Variants in NAA50 observed in about 807,000 individuals in gnomAD.
The protein encoded by NAA50 is N-alpha-acetyltransferase 50.
A neutral mutation model predicts 20.7 loss-of-function variants in NAA50; 7 were observed. That is an observed-to-expected ratio of 0.34 (90% confidence interval 0.19 to 0.63). NAA50 has a LOEUF of 0.63. Among genes scored for constraint, NAA50 ranks in the 30% least tolerant of loss-of-function variants. The pLI is 0.75. For missense variants in NAA50, 111 were observed against 199.1 expected (o/e 0.56, Z 2.66); for synonymous variants, 54 against 70.6 (o/e 0.77, Z 1.18).
chr3:113,735,552 T>C (rs1331664564), intron 1 of NAA50, among the ~76,000 whole-genome samples: 1 of 152,230 alleles, frequency 6.6e-6, no homozygotes, highest in African/African-American at 2.4e-5. Context: ...CTGTTAAGAA[T>C]GTAATATGAT....
At position 113,742,197 on chromosome 3, in the gene NAA50, G is replaced by C. The variant is rs549285107; in HGVS notation, c.8+3745C>G. Reference sequence around the variant, plus strand: ...GTTTATAAAAGGTGTCAAATGCTACGTCAGCCTGACTAGCTTTTGGTTTTG... The same window carrying C: ...GTTTATAAAAGGTGTCAAATGCTACCTCAGCCTGACTAGCTTTTGGTTTTG... On this transcript the variant is annotated intron_variant, in intron 1 of 4. Transcript: ENST00000240922. Among the ~76,000 whole-genome samples the C allele has an allele frequency of 2.6e-5, 4 of 152,272 alleles. No homozygotes were observed. In the South Asian group the frequency reaches 8.3e-4, roughly 32 times the overall value.
At chr3:113,732,978 A>G (rs1708289959) in intron 1 of NAA50, among the ~76,000 whole-genome samples, 2 of 150,522 alleles carry the variant, frequency 1.3e-5, no homozygotes, top group Admixed American at 1.3e-4. Context: ...TTCTCTACTG[A>G]CTAATGATGT....
At position 113,720,551 on chromosome 3, in the gene NAA50, A is replaced by G. The variant is rs1265333045; in HGVS notation, c.*1209T>C. The G allele has an allele frequency of 6.6e-6, 1 of 152,606 alleles. No homozygotes were observed. Among genetic ancestry groups the G allele is most frequent in the Non-Finnish European group, 1.5e-5 (1 of 68,014 alleles). The allele number at this position is 152,606 out of a possible 1,614,324, so 9.5% of individuals were successfully genotyped here. A position where few individuals can be genotyped will look rare whatever the true frequency, so the allele number is the denominator to read the frequency against. Reference sequence around the variant, plus strand: ...GACATTTGTATTATTAACATTTTACACTTCTATTTTTCCAAGAATAGAAGC... The same window carrying G: ...GACATTTGTATTATTAACATTTTACGCTTCTATTTTTCCAAGAATAGAAGC... On this transcript the variant is annotated 3_prime_UTR_variant, in exon 5 of 5. Transcript: ENST00000240922.
intron 1 of NAA50, among the ~76,000 whole-genome samples, chr3:113,738,831 G>T (rs564402969): frequency 6.6e-6 from 1 of 152,258 alleles, no homozygotes; most frequent in South Asian, 2.1e-4. Context: ...TGTTTGAAGT[G>T]CTCCTAAGTA....
At chr3:113,735,253 T>C (rs1708324199) in intron 1 of NAA50, among the ~76,000 whole-genome samples, 1 of 152,160 alleles carries the variant, frequency 6.6e-6, no homozygotes, top group South Asian at 2.1e-4. Context: ...TGTTACAAAA[T>C]CAAAGAATGG....
rs572087362 is a variant in NAA50 at position 113,718,604 on chromosome 3, C to A, written c.*3156G>T. 6.6e-6 allele frequency: 1 copy of A among 152,186 alleles called. No homozygotes were observed. The highest frequency in any genetic ancestry group is 1.5e-5 in the Non-Finnish European group (1 of 68,028). 9.4% of individuals were successfully genotyped at this position (152,186 alleles called of 1,614,324 possible). A position where few individuals can be genotyped will look rare whatever the true frequency, so the allele number is the denominator to read the frequency against. ...GCCAATTCCCAACTCATTGAACTAC[C>A]GTACTCCTTCCTTACAAGGAAGAAA... On this transcript the variant is annotated 3_prime_UTR_variant, in exon 5 of 5. Coordinates refer to ENST00000240922, the MANE Select transcript of NAA50 (RefSeq NM_025146.4).
chr3:113,737,100 T>C (rs879918808), intron 1 of NAA50, among the ~76,000 whole-genome samples: 3 of 152,082 alleles, frequency 2.0e-5, no homozygotes, highest in Admixed American at 6.5e-5. Context: ...TTAATTTCCA[T>C]TGTAGCACAA....
rs1708136812 is a variant in NAA50, at chr3:113,721,616, C to CAT, written c.*143_*144insAT. Reference sequence around the variant, plus strand: ...AAGTCCTTGAAAGTATTAAAACTCTCAGAGAAAAGGAAAGGAAGAAAGAAA... The same window carrying CAT: ...AAGTCCTTGAAAGTATTAAAACTCTCATAGAGAAAAGGAAAGGAAGAAAGAAA... On this transcript the variant is annotated 3_prime_UTR_variant, in exon 5 of 5. Coordinates refer to ENST00000240922, the MANE Select transcript of NAA50 (RefSeq NM_025146.4). 1.2e-6 allele frequency: 1 copy of CAT among 802,180 alleles called. No homozygotes were observed. The highest frequency in any genetic ancestry group is 2.0e-6 in the Non-Finnish European group (1 of 502,014). The allele number at this position is 802,180 out of a possible 1,614,324, so 49.7% of individuals were successfully genotyped here. A position where few individuals can be genotyped will look rare whatever the true frequency, so the allele number is the denominator to read the frequency against.
At chr3:113,730,857 G>C (rs562508633) in intron 1 of NAA50, among the ~76,000 whole-genome samples, 16 of 152,230 alleles carry the variant, frequency 1.1e-4, no homozygotes, top group African/African-American at 3.4e-4. Context: ...ACAATTTTAG[G>C]TAACTGCAAG....
At chr3:113,737,504 A>G (rs2107993324) in intron 1 of NAA50, among the ~76,000 whole-genome samples, 2 of 152,294 alleles carry the variant, frequency 1.3e-5, no homozygotes, top group South Asian at 4.1e-4. Flanking sequence ...CATATGAACT[A>G]TATTACCGTT....
intron 1 of NAA50, among the ~76,000 whole-genome samples, chr3:113,744,839 C>T (rs1299364742): frequency 6.6e-6 from 1 of 152,194 alleles, no homozygotes; most frequent in Non-Finnish European, 1.5e-5. Context: ...AATACCGATA[C>T]ACAGAGGTAA....
In NAA50 at chr3:113,718,401, ATACT is replaced by A. The variant is rs1160942303; in HGVS notation, c.*3355_*3358del. On this transcript the variant is annotated 3_prime_UTR_variant, in exon 5 of 5. Transcript: ENST00000240922. ...TCCTGATCCAGAACTGTGGAAGGTA[ATACT>A]TGTTTGTTGTTTTAAACTACAGTAA... The A allele has an allele frequency of 7.2e-5, 11 of 152,232 alleles. No homozygotes were observed. The East Asian group carries it at 2.1e-3, about 29-fold the overall frequency. The allele number at this position is 152,232 out of a possible 1,614,324, so 9.4% of individuals were successfully genotyped here. A position where few individuals can be genotyped will look rare whatever the true frequency, so the allele number is the denominator to read the frequency against.
intron 1 of NAA50, chr3:113,740,908 T>C: frequency 2.1e-6 from 1 of 468,652 alleles, no homozygotes; most frequent in East Asian, 5.4e-5. Flanking sequence ...GAGTTTTCAA[T>C]GACTCCATCA....
intron 1 of NAA50, among the ~76,000 whole-genome samples, chr3:113,737,517 T>C (rs1708359870): frequency 6.6e-6 from 1 of 152,244 alleles, no homozygotes; most frequent in East Asian, 1.9e-4. Flanking sequence ...TTACCGTTTC[T>C]GTCCTTACAA....
In NAA50 at chr3:113,721,568, A is replaced by C. The variant is rs1425167395; in HGVS notation, c.*192T>G. 1.6e-6 allele frequency: 1 copy of C among 641,924 alleles called. No individual in the cohort carries two copies. Among genetic ancestry groups the C allele is most frequent in the African/African-American group, 1.8e-5 (1 of 54,440 alleles). 39.8% of individuals were successfully genotyped at this position (641,924 alleles called of 1,614,324 possible). On this transcript the variant is annotated 3_prime_UTR_variant, in exon 5 of 5. Coordinates refer to ENST00000240922, the MANE Select transcript of NAA50 (RefSeq NM_025146.4). The stretch of plus-strand genomic sequence containing the variant: ...CACCTCACAAAAATAAGAGAAAACA[A>C]TTCAAACATGATTATTTTTTTAAAG...
chr3:113,746,225 A>G lies in NAA50; in HGVS notation c.-276T>C. ...CCCTCCCGCCGCTGCCGCCAGCCAG[A>G]CCCGCTGCCGCGCTGTGACCTTTCA... On this transcript the variant is annotated 5_prime_UTR_variant, in exon 1 of 5. Transcript: ENST00000240922. 2.8e-6 allele frequency: 1 copy of G among 362,374 alleles called. No individual in the cohort carries two copies. The highest frequency in any genetic ancestry group is 5.0e-6 in the Non-Finnish European group (1 of 198,326). The allele number at this position is 362,374 out of a possible 1,614,324, so 22.4% of individuals were successfully genotyped here. A position where few individuals can be genotyped will look rare whatever the true frequency, so the allele number is the denominator to read the frequency against.
chr3:113,724,112 T>A lies in NAA50; in HGVS notation c.9-17A>T. ...ATCCGGCTACTGGAACAAATCAAAA[T>A]GTACTCAATAAAACATAATTAGCCC... is the stretch of plus-strand genomic sequence containing the variant. On this transcript the variant is annotated splice_polypyrimidine_tract_variant and intron_variant, in intron 1 of 4. Transcript: ENST00000240922. The A allele has an allele frequency of 6.5e-7, 1 of 1,545,878 alleles. No homozygotes were observed. Among genetic ancestry groups the A allele is most frequent in the Non-Finnish European group, 8.7e-7 (1 of 1,143,112 alleles).
rs1487567378 is a variant in NAA50 at position 113,723,995 on chromosome 3, T to C, written c.109A>G (p.Lys37Glu). 1.2e-6 allele frequency: 2 copies of C among 1,610,378 alleles called. No individual in the cohort carries two copies. The highest frequency in any genetic ancestry group is 8.5e-7 in the Non-Finnish European group (1 of 1,178,362). Residue 37 changes from lysine to glutamate, a missense_variant, in exon 2 of 5, where the codon AAG becomes GAG. Lys to Glu is a moderately conservative substitution (Grantham distance 56). Coordinates refer to ENST00000240922, the MANE Select transcript of NAA50 (RefSeq NM_025146.4). ...AGCTCGCCAACCTCCAGCACATCCTTGTAGAACTTGTCATTGTAGCTGACT... is the reference window on the plus strand; with the variant it reads ...AGCTCGCCAACCTCCAGCACATCCTCGTAGAACTTGTCATTGTAGCTGACT... ...FPVSYNDKFY[K>E]DVLEVGELAK...
chr3:113,741,129 G>A (rs1708408370), intron 1 of NAA50: 1 of 546,422 alleles, frequency 1.8e-6, no homozygotes, highest in Non-Finnish European at 3.6e-6. Flanking sequence ...TTGAATGAAG[G>A]ATAATCAAAG....
Sources: allele counts gnomAD v4.1 joint callset (sites outside exome capture counted in the v4.1 genomes callset), GRCh38; gene constraint gnomAD v4.1.1; transcripts MANE v1.5; gene names NCBI Gene and HGNC (gene_info 2026-07-23, HGNC 2026-07-21).